Variants in AGMO observed in about 807,000 individuals in gnomAD.
AGMO encodes glyceryl-ether monooxygenase.
In AGMO, 75 loss-of-function variants were observed where a neutral mutation model predicts 60.2. The observed-to-expected ratio is 1.25, with a 90% CI of 1.03 to 1.51. AGMO has a LOEUF of 1.51. Among genes scored for constraint, AGMO ranks in the 40% most tolerant of loss-of-function variants. AGMO has a pLI of 0.00. For synonymous variants in AGMO, 261 were observed against 177.1 expected, an observed-to-expected ratio of 1.47 and a Z score of -3.76; for missense variants, 763 against 525.5, an observed-to-expected ratio of 1.45 and a Z score of -4.42.
intron 12 of AGMO, among the ~76,000 whole-genome samples, chr7:15,325,789 G>A (rs1781320942): frequency 6.6e-6 from 1 of 151,976 alleles, no homozygotes; most frequent in Admixed American, 6.6e-5. Context: ...TTTTCATTAG[G>A]ATTATCTTAA....
chr7:15,175,876 A>C, the AGMO span, among the ~76,000 whole-genome samples: 1 of 151,994 alleles, frequency 6.6e-6, no homozygotes, highest in Non-Finnish European at 1.5e-5. Context: ...AAAGGTATTT[A>C]CTATGAAATT....
At chr7:15,256,424 G>T (rs544475765) in intron 12 of AGMO, among the ~76,000 whole-genome samples, 1 of 152,200 alleles carries the variant, frequency 6.6e-6, no homozygotes, top group East Asian at 1.9e-4. Flanking sequence ...CTCACTGCAA[G>T]CTCCGCCTCC....
At chr7:15,173,849 T>C in the AGMO span, among the ~76,000 whole-genome samples, 6 of 151,688 alleles carry the variant, frequency 4.0e-5, no homozygotes, top group Non-Finnish European at 5.9e-5. Flanking sequence ...GTTTCTCTTA[T>C]GTTTAGTGGG....
intron 3 of AGMO, among the ~76,000 whole-genome samples, chr7:15,472,877 G>A (rs1057385557): frequency 4.0e-5 from 6 of 151,660 alleles, no homozygotes; most frequent in Admixed American, 2.6e-4. Flanking sequence ...GTGACTTTTG[G>A]CTGCAAAATT....
chr7:15,426,131 C>T (rs1781055350), intron 4 of AGMO, among the ~76,000 whole-genome samples: 1 of 152,078 alleles, frequency 6.6e-6, no homozygotes, highest in Non-Finnish European at 1.5e-5. Flanking sequence ...AAATGAATAA[C>T]AGATGTAAAT....
chr7:15,317,370 CA>C (rs1780957188), intron 12 of AGMO, among the ~76,000 whole-genome samples: 2 of 152,032 alleles, frequency 1.3e-5, no homozygotes, highest in African/African-American at 4.8e-5. Context: ...TAGATGAAAC[CA>C]GATGCCTATA....
chr7:15,123,893 G>C, the AGMO span, among the ~76,000 whole-genome samples: 1 of 152,050 alleles, frequency 6.6e-6, no homozygotes, highest in African/African-American at 2.4e-5. Flanking sequence ...TAAAGTGAGC[G>C]TACGCTTTGC....
Position 15,342,172 on chromosome 7 carries a change from T to TAAAAAAAAAAAA in AGMO, c.1263+23330_1263+23341dup, listed in dbSNP as rs775057626. On this transcript the variant is annotated intron_variant, in intron 12 of 12. Transcript: ENST00000342526. ...AGCTGAGAGTAGATACCCACAGAGTTAAAAAAAAAAAAAAAAAAAAAAAAG... is the reference window on the plus strand; with the variant it reads ...AGCTGAGAGTAGATACCCACAGAGTTAAAAAAAAAAAAAAAAAAAAAAAAAAAAAAAAAAAAG... Among the ~76,000 whole-genome samples the TAAAAAAAAAAAA allele has an allele frequency of 5.4e-3, 291 of 54,300 alleles. 25 individuals carry two copies. The highest frequency in any genetic ancestry group is 0.02 in the Middle Eastern group (1 of 50). The allele number at this position is 54,300 out of a possible 152,430, so 35.6% of individuals were successfully genotyped here.
At chr7:15,260,120 C>T (rs1177939916) in intron 12 of AGMO, among the ~76,000 whole-genome samples, 1 of 150,476 alleles carries the variant, frequency 6.6e-6, no homozygotes, top group Non-Finnish European at 1.5e-5. Flanking sequence ...GGCCTAAATG[C>T]TCCATTTAAA....
the AGMO span, among the ~76,000 whole-genome samples, chr7:15,135,177 T>C: frequency 6.6e-6 from 1 of 151,752 alleles, no homozygotes; most frequent in African/African-American, 2.4e-5. Context: ...TGTGTGTGTG[T>C]GTGTGTGTGT....
intron 3 of AGMO, among the ~76,000 whole-genome samples, chr7:15,486,988 T>C (rs1782940986): frequency 6.6e-6 from 1 of 152,154 alleles, no homozygotes. Flanking sequence ...CACCCCTTCA[T>C]CCCTCTCACC....
chr7:15,361,985 C>T (rs1782784745), intron 12 of AGMO, among the ~76,000 whole-genome samples: 1 of 152,130 alleles, frequency 6.6e-6, no homozygotes, highest in Admixed American at 6.6e-5. Context: ...TATTGCTTCA[C>T]TGACATTGAT....
intron 10 of AGMO, among the ~76,000 whole-genome samples, chr7:15,379,199 C>T (rs926766157): frequency 1.3e-5 from 2 of 151,868 alleles, no homozygotes; most frequent in Non-Finnish European, 2.9e-5. Flanking sequence ...CCTAGTATCA[C>T]GACTAAATAA....
intron 3 of AGMO, among the ~76,000 whole-genome samples, chr7:15,463,012 T>C (rs1395114596): frequency 6.6e-6 from 1 of 152,164 alleles, no homozygotes; most frequent in Non-Finnish European, 1.5e-5. Context: ...TCAAGTTAGC[T>C]GGATGGAAAC....
At chr7:15,218,899 C>T (rs1374399828) in intron 12 of AGMO, among the ~76,000 whole-genome samples, 2 of 152,014 alleles carry the variant, frequency 1.3e-5, no homozygotes, top group African/African-American at 2.4e-5. Flanking sequence ...ATCTATGGGG[C>T]TATTCAGTGC....
At chr7:15,437,726 G>C (rs945571604) in intron 3 of AGMO, among the ~76,000 whole-genome samples, 2 of 152,034 alleles carry the variant, frequency 1.3e-5, no homozygotes, top group South Asian at 2.1e-4. Flanking sequence ...ATTTTTAGTA[G>C]AGACGGGGTT....
chr7:15,461,773 G>A (rs1409015582), intron 3 of AGMO, among the ~76,000 whole-genome samples: 1 of 152,034 alleles, frequency 6.6e-6, no homozygotes, highest in African/African-American at 2.4e-5. Flanking sequence ...GGGCTGAAAA[G>A]CCACATATTT....
In AGMO at chr7:15,393,356, CTTCT is replaced by C. The variant is rs200180013; in HGVS notation, c.676+753_676+756del. ...CTTATGTATTCATTTTACTGGCTTC[CTTCT>C]CTCAGTATTGTTTGTGAGATTTATT... On this transcript the variant is annotated intron_variant, in intron 6 of 12. Transcript: ENST00000342526. Among the ~76,000 whole-genome samples, 73 of 152,312 alleles carry C rather than the reference CTTCT, an allele frequency of 4.8e-4. No individual in the cohort carries two copies. In the East Asian group the frequency reaches 0.013, roughly 28 times the overall value.
chr7:15,280,488 C>A (rs1583358615), intron 12 of AGMO, among the ~76,000 whole-genome samples: 1 of 152,204 alleles, frequency 6.6e-6, no homozygotes, highest in African/African-American at 2.4e-5. Flanking sequence ...ACCCAGCCCC[C>A]ACCTGGCTTT....
Sources: gnomAD v4.1 joint callset for allele counts (sites outside exome capture counted in the v4.1 genomes callset) on GRCh38, gnomAD v4.1.1 for gene constraint, MANE v1.5 for transcripts, NCBI Gene and HGNC (gene_info 2026-07-23, HGNC 2026-07-21) for gene names.